ASPH: variants seen among roughly 807,000 people sequenced by gnomAD.
The protein encoded by ASPH is aspartyl/asparaginyl beta-hydroxylase.
A neutral mutation model predicts 118.4 loss-of-function variants in ASPH; 100 were observed. The ratio of observed to expected loss-of-function variants is 0.84; its 90% CI spans 0.72 to 1.00. The LOEUF (loss-of-function observed/expected upper bound fraction) is 1.00. ASPH is among the 50% of genes least tolerant of loss of function. The pLI is 0.00. For missense variants in ASPH, 920 were observed against 919.5 expected (o/e 1.00, Z -0.01); for synonymous variants, 315 against 325.6 (o/e 0.97, Z 0.35).
At position 61,624,141 on chromosome 8, in the gene ASPH, T is replaced by C. The variant is rs374198362; in HGVS notation, c.935-5122A>G. 3 of 790,324 alleles carry C rather than the reference T, an allele frequency of 3.8e-6. No individual in the cohort carries two copies. The African/African-American group carries it at 5.6e-5, about 15-fold the overall frequency. The allele number at this position is 790,324 out of a possible 1,614,324, so 49.0% of individuals were successfully genotyped here. On this transcript the variant is annotated intron_variant, in intron 13 of 24. Coordinates refer to ENST00000379454, the MANE Select transcript of ASPH (RefSeq NM_004318.4). ...AAAACAGAGTTACTATAGCCAACAA[T>C]AATTTATTGTACATTTTCTATATCT...
intron 13 of ASPH, chr8:61,624,176 TATCTC>T (rs1851923683): frequency 3.3e-6 from 3 of 920,446 alleles, no homozygotes; most frequent in Non-Finnish European, 3.9e-6. Context: ...TGTATCGAAA[TATCTC>T]ATATAGTCAA....
At position 61,583,940 on chromosome 8, in the gene ASPH, C is replaced by T. The variant is rs773090668; in HGVS notation, c.1062+4G>A. Reference sequence around the variant, plus strand: ...AAACCATTGCACAAAAAATATCAACCTACCCTTTTACGGAGTTTTTCTGCA... The same window carrying T: ...AAACCATTGCACAAAAAATATCAACTTACCCTTTTACGGAGTTTTTCTGCA... On this transcript the variant is annotated splice_donor_region_variant and intron_variant, in intron 15 of 24. Coordinates refer to ENST00000379454, the MANE Select transcript of ASPH (RefSeq NM_004318.4). The T allele has an allele frequency of 6.6e-5, 103 of 1,560,404 alleles. No individual in the cohort carries two copies. The highest frequency in any genetic ancestry group is 8.9e-5 in the Non-Finnish European group (102 of 1,147,208).
chr8:61,578,840 G>A (rs1019911305), intron 15 of ASPH: 99 of 1,612,342 alleles, frequency 6.1e-5, no homozygotes, highest in Non-Finnish European at 7.8e-5. Context: ...ACATGAACAA[G>A]GTAGAGCTGG....
At chr8:61,629,838 G>A (rs1854741626) in intron 13 of ASPH, among the ~76,000 whole-genome samples, 1 of 152,078 alleles carries the variant, frequency 6.6e-6, no homozygotes, top group Admixed American at 6.6e-5. Flanking sequence ...TTGAAAAACG[G>A]CAGCTGACAG....
intron 14 of ASPH, among the ~76,000 whole-genome samples, chr8:61,598,381 T>G (rs1404980134): frequency 6.6e-6 from 1 of 151,852 alleles, no homozygotes; most frequent in Non-Finnish European, 1.5e-5. Context: ...AAAACAAACT[T>G]CACATGAAAA....
chr8:61,548,584 A>G (rs1824745116), intron 20 of ASPH, among the ~76,000 whole-genome samples: 1 of 152,194 alleles, frequency 6.6e-6, no homozygotes, highest in Non-Finnish European at 1.5e-5. Context: ...TTAGAAAAAG[A>G]TTATGATTTT....
intron 21 of ASPH, among the ~76,000 whole-genome samples, chr8:61,536,892 G>T (rs982148643): frequency 6.6e-6 from 1 of 152,202 alleles, no homozygotes; most frequent in Non-Finnish European, 1.5e-5. Context: ...GCTACTGACT[G>T]TGAATTCAGC....
Position 61,714,443 on chromosome 8 carries a change from G to A in ASPH, c.-72C>T. 8 of 1,368,054 alleles carry A rather than the reference G, an allele frequency of 5.8e-6. No individual in the cohort carries two copies. The highest frequency in any genetic ancestry group is 1.6e-5 in the South Asian group (1 of 61,014). 84.7% of individuals were successfully genotyped at this position (1,368,054 alleles called of 1,614,324 possible). On this transcript the variant is annotated 5_prime_UTR_variant, in exon 1 of 25. Transcript: ENST00000379454. ...GCGCGGGGGTACACACGCGACGCGG[G>A]AACCGCTGGCGGCGGCGGGCCGCTG...
At chr8:61,703,258 T>C (rs1424993158) in intron 1 of ASPH, among the ~76,000 whole-genome samples, 1 of 152,192 alleles carries the variant, frequency 6.6e-6, no homozygotes, top group Non-Finnish European at 1.5e-5. Flanking sequence ...TCTACTCTCA[T>C]CACTGGTATT....
chr8:61,542,717 A>G (rs1020631064), intron 21 of ASPH, among the ~76,000 whole-genome samples: 9 of 152,038 alleles, frequency 5.9e-5, no homozygotes, highest in Admixed American at 4.6e-4. Context: ...GTGGATTTGT[A>G]TTACCATCTG....
At chr8:61,610,670 G>A (rs1847030534) in intron 14 of ASPH, among the ~76,000 whole-genome samples, 1 of 152,172 alleles carries the variant, frequency 6.6e-6, no homozygotes, top group African/African-American at 2.4e-5. Context: ...CCTTGAGTTG[G>A]TTTATTATGC....
intron 14 of ASPH, chr8:61,607,291 C>A (rs780646858): frequency 1.4e-6 from 1 of 702,144 alleles, no homozygotes; most frequent in Non-Finnish European, 2.6e-6. Context: ...TGGTGCAAGC[C>A]GCCTGGCTTT....
intron 21 of ASPH, among the ~76,000 whole-genome samples, chr8:61,545,127 C>T (rs138841014): frequency 6.6e-6 from 1 of 152,236 alleles, no homozygotes; most frequent in African/African-American, 2.4e-5. Flanking sequence ...GTTTGTGTCC[C>T]CCAAATTCAT....
intron 21 of ASPH, among the ~76,000 whole-genome samples, chr8:61,545,371 TGTTTATAAGCC>T (rs1823450105): frequency 6.6e-6 from 1 of 152,210 alleles, no homozygotes; most frequent in Non-Finnish European, 1.5e-5. Context: ...AAATTTCTAT[TGTTTATAAGCC>T]ACCGAGTTTA....
intron 19 of ASPH, among the ~76,000 whole-genome samples, chr8:61,554,437 T>A (rs536751185): frequency 2.4e-4 from 36 of 152,234 alleles, no homozygotes; most frequent in Admixed American, 2.2e-3. Flanking sequence ...ATTTAAGTCA[T>A]GTGAAAGAAA....
At chr8:61,578,388 G>A (rs1836088325) in intron 15 of ASPH, 7 of 1,605,126 alleles carry the variant, frequency 4.4e-6, no homozygotes, top group Non-Finnish European at 4.3e-6. Flanking sequence ...CTATAGTGGG[G>A]CCAGCGGCAT....
intron 12 of ASPH, among the ~76,000 whole-genome samples, chr8:61,635,046 C>T (rs901992478): frequency 6.6e-6 from 1 of 152,152 alleles, no homozygotes; most frequent in African/African-American, 2.4e-5. Flanking sequence ...CTTTTCCTTA[C>T]TCCAGGTCTT....
chr8:61,668,311 CAG>C, intron 3 of ASPH: 1 of 1,554,966 alleles, frequency 6.4e-7, no homozygotes, highest in South Asian at 1.2e-5. Context: ...AGGTTATAAA[CAG>C]AAAATTTAAG....
At chr8:61,622,397 G>A (rs775740514) in intron 13 of ASPH, among the ~76,000 whole-genome samples, 1 of 152,168 alleles carries the variant, frequency 6.6e-6, no homozygotes, top group African/African-American at 2.4e-5. Context: ...CAGCCACTGC[G>A]CTAATCTGCC....
Sources: gnomAD v4.1 joint callset for allele counts (sites outside exome capture counted in the v4.1 genomes callset) on GRCh38, gnomAD v4.1.1 for gene constraint, MANE v1.5 for transcripts, NCBI Gene and HGNC (gene_info 2026-07-23, HGNC 2026-07-21) for gene names.